ATXN1: variants seen among roughly 807,000 people sequenced by gnomAD.
ATXN1 encodes ataxin-1.
A neutral mutation model predicts 56.4 loss-of-function variants in ATXN1; 8 were observed. The observed-to-expected ratio is 0.14, with a 90% confidence interval of 0.08 to 0.26. ATXN1 has a LOEUF of 0.26. Among genes scored for constraint, ATXN1 ranks in the 10% least tolerant of loss-of-function variants. The pLI is 1.00. For missense variants in ATXN1, 987 were observed against 1,106.5 expected (o/e 0.89, Z 1.53); for synonymous variants, 514 against 494.6 (o/e 1.04, Z -0.52).
At chr6:16,508,956 A>G (rs192387554) in intron 5 of ATXN1, among the ~76,000 whole-genome samples, 1 of 152,114 alleles carries the variant, frequency 6.6e-6, no homozygotes, top group East Asian at 1.9e-4. Flanking sequence ...ATTCTGACAC[A>G]TGTTACAACA....
intron 2 of ATXN1, among the ~76,000 whole-genome samples, chr6:16,693,084 G>T (rs925672780): frequency 6.6e-6 from 1 of 152,196 alleles, no homozygotes; most frequent in South Asian, 2.1e-4. Context: ...AGTGGCCTCA[G>T]CTCTGAAGAT....
At chr6:16,526,765 CAAAA>C (rs34515868) in intron 4 of ATXN1, among the ~76,000 whole-genome samples, 1 of 116,580 alleles carries the variant, frequency 8.6e-6, no homozygotes. Flanking sequence ...AACTTCATCT[CAAAA>C]AAAAAAAAAA....
At chr6:16,626,575 C>T (rs1051693105) in intron 3 of ATXN1, among the ~76,000 whole-genome samples, 3 of 152,170 alleles carry the variant, frequency 2.0e-5, no homozygotes, top group African/African-American at 7.2e-5. Context: ...AGATTACAGG[C>T]ATGAGCCACT....
intron 6 of ATXN1, among the ~76,000 whole-genome samples, chr6:16,399,020 C>A (rs117488164): frequency 6.6e-6 from 1 of 152,318 alleles, no homozygotes; most frequent in East Asian, 1.9e-4. Context: ...CTCCGTCTCA[C>A]GACTCCAGCC....
chr6:16,592,999 G>A lies in ATXN1; in HGVS notation c.-488-7092C>T, dbSNP rs139176988. 1.6e-3 allele frequency among the ~76,000 whole-genome samples: 248 copies of A among 152,128 alleles called. 1 individual carries two copies. Among genetic ancestry groups the A allele is most frequent in the African/African-American group, 5.7e-3 (235 of 41,472 alleles). On this transcript the variant is annotated intron_variant, in intron 3 of 7. Transcript: ENST00000436367. ...GGTTACTTTTAGAACCCTGCTGATT[G>A]GTCCATTTTACAAAGTACTGATTGG... is the stretch of plus-strand genomic sequence containing the variant.
intron 2 of ATXN1, among the ~76,000 whole-genome samples, chr6:16,695,558 G>C (rs1034045888): frequency 6.6e-6 from 1 of 152,190 alleles, no homozygotes; most frequent in Admixed American, 6.5e-5. Context: ...CCTGGGCCCA[G>C]CCTAGGACGG....
At chr6:16,600,534 T>C (rs913690699) in intron 3 of ATXN1, among the ~76,000 whole-genome samples, 5 of 152,234 alleles carry the variant, frequency 3.3e-5, no homozygotes, top group African/African-American at 1.2e-4. Context: ...GCTTCACTAT[T>C]GTCTGATTAT....
chr6:16,745,691 C>T (rs1432420137), intron 2 of ATXN1, among the ~76,000 whole-genome samples: 2 of 152,154 alleles, frequency 1.3e-5, no homozygotes, highest in Non-Finnish European at 1.5e-5. Flanking sequence ...CTGCGGAAAA[C>T]GTCACTGCCA....
chr6:16,351,438 T>C (rs1228293256), intron 6 of ATXN1, among the ~76,000 whole-genome samples: 2 of 151,438 alleles, frequency 1.3e-5, no homozygotes, highest in African/African-American at 2.4e-5. Flanking sequence ...GGTCTCACTC[T>C]GTCATACAGG....
At chr6:16,579,794 G>C (rs1197087896) in intron 4 of ATXN1, among the ~76,000 whole-genome samples, 1 of 152,040 alleles carries the variant, frequency 6.6e-6, no homozygotes, top group Non-Finnish European at 1.5e-5. Context: ...GCCAGGCAAT[G>C]TTCTCAGGTT....
chr6:16,552,022 AT>A (rs879300572), intron 4 of ATXN1, among the ~76,000 whole-genome samples: 2 of 152,268 alleles, frequency 1.3e-5, no homozygotes, highest in South Asian at 4.2e-4. Context: ...TGCGTATAGG[AT>A]GGTGGACGTG....
At chr6:16,396,097 C>G (rs1758453517) in intron 6 of ATXN1, among the ~76,000 whole-genome samples, 1 of 148,464 alleles carries the variant, frequency 6.7e-6, no homozygotes, top group Non-Finnish European at 1.5e-5. Context: ...AAGAAGAAGG[C>G]ATTGTTATCA....
chr6:16,329,101 T>A (rs576652539), intron 6 of ATXN1, among the ~76,000 whole-genome samples: 1 of 152,092 alleles, frequency 6.6e-6, no homozygotes, highest in East Asian at 1.9e-4. Context: ...TGTTTTTTTT[T>A]CTCCTTTTCT....
chr6:16,576,631 C>T (rs1156675616), intron 4 of ATXN1, among the ~76,000 whole-genome samples: 1 of 152,214 alleles, frequency 6.6e-6, no homozygotes, highest in Non-Finnish European at 1.5e-5. Context: ...ATTTTACTTT[C>T]ACTGTTTCAT....
chr6:16,626,591 C>T (rs1763411428), intron 3 of ATXN1, among the ~76,000 whole-genome samples: 1 of 152,212 alleles, frequency 6.6e-6, no homozygotes, highest in South Asian at 2.1e-4. Flanking sequence ...CCACTGCGCC[C>T]AGCTGGTTTA....
intron 6 of ATXN1, among the ~76,000 whole-genome samples, chr6:16,482,368 T>G (rs796081007): frequency 7.9e-5 from 12 of 152,184 alleles, no homozygotes; most frequent in African/African-American, 2.9e-4. Context: ...TGCAGACTAG[T>G]TGAGGAGACT....
intron 7 of ATXN1, among the ~76,000 whole-genome samples, chr6:16,320,970 A>T (rs1160975026): frequency 1.3e-5 from 2 of 152,196 alleles, no homozygotes; most frequent in African/African-American, 4.8e-5. Context: ...CTCTCCTTCC[A>T]TAAACTCTTT....
chr6:16,497,698 T>C (rs1375391586), intron 5 of ATXN1, among the ~76,000 whole-genome samples: 1 of 152,164 alleles, frequency 6.6e-6, no homozygotes, highest in African/African-American at 2.4e-5. Context: ...TGCTGGGAAC[T>C]TGATTTCTAA....
At chr6:16,732,957 T>C (rs1382837224) in intron 2 of ATXN1, among the ~76,000 whole-genome samples, 3 of 152,248 alleles carry the variant, frequency 2.0e-5, no homozygotes, top group Non-Finnish European at 4.4e-5. Context: ...AAAACTTCCA[T>C]GGATGAGTGC....
Sources: gnomAD v4.1 joint callset for allele counts (sites outside exome capture counted in the v4.1 genomes callset) on GRCh38, gnomAD v4.1.1 for gene constraint, MANE v1.5 for transcripts, NCBI Gene and HGNC (gene_info 2026-07-23, HGNC 2026-07-21) for gene names.